Variants in OSBPL6 observed in about 807,000 individuals in gnomAD.
OSBPL6 encodes oxysterol binding protein like 6.
OSBPL6 carries 49 observed loss-of-function variants against 125.8 expected under a neutral mutation model. The observed-to-expected ratio is 0.39, with a 90% CI of 0.31 to 0.49. OSBPL6 has a LOEUF of 0.49. OSBPL6 is among the 20% of genes least tolerant of loss of function. OSBPL6 has a pLI of 0.88. For synonymous variants in OSBPL6, 394 were observed against 391.8 expected (o/e 1.01, Z -0.07); for missense variants, 986 against 1,135.4 (o/e 0.87, Z 1.89).
intron 1 of OSBPL6, among the ~76,000 whole-genome samples, chr2:178,195,730 AG>A (rs1274306794): frequency 6.6e-6 from 1 of 152,202 alleles, no homozygotes; most frequent in Non-Finnish European, 1.5e-5. Flanking sequence ...AAATCCTGTA[AG>A]GTTTTTTCTA....
intron 1 of OSBPL6, among the ~76,000 whole-genome samples, chr2:178,279,272 C>T (rs1241359206): frequency 6.6e-6 from 1 of 152,032 alleles, no homozygotes; most frequent in African/African-American, 2.4e-5. Context: ...GAGGAATGTG[C>T]GGGGAATGCA....
intron 1 of OSBPL6, among the ~76,000 whole-genome samples, chr2:178,268,085 CTT>C (rs36020212): frequency 7.0e-5 from 10 of 142,260 alleles, no homozygotes; most frequent in African/African-American, 1.0e-4. Flanking sequence ...TTTAAATTTT[CTT>C]TTTTTTTTTT....
chr2:178,376,003 TAAG>T (rs1693843478), intron 15 of OSBPL6, among the ~76,000 whole-genome samples: 1 of 151,904 alleles, frequency 6.6e-6, no homozygotes, highest in Non-Finnish European at 1.5e-5. Context: ...GAGAGCGGGA[TAAG>T]AAGGTGGAGG....
At chr2:178,241,111 C>G (rs925855473) in intron 1 of OSBPL6, among the ~76,000 whole-genome samples, 1 of 151,888 alleles carries the variant, frequency 6.6e-6, no homozygotes, top group Non-Finnish European at 1.5e-5. Context: ...ACTAATGCCA[C>G]TCTGCATGTA....
rs186808150 is a variant in OSBPL6 at position 178,366,383 on chromosome 2, A to C, written c.1287+4568A>C. On this transcript the variant is annotated intron_variant, in intron 13 of 24. Transcript: ENST00000190611. ...CCAGAAATTGTGCACAGCTTGTGTT[A>C]AACGCAGTGAGAGTTGGGCTCATAT... Among the ~76,000 whole-genome samples, 4 of 152,344 alleles carry C rather than the reference A, an allele frequency of 2.6e-5. No homozygotes were observed. The East Asian group carries it at 7.7e-4, about 29-fold the overall frequency.
intron 1 of OSBPL6, among the ~76,000 whole-genome samples, chr2:178,235,393 C>CTTTTTTTT (rs1207796881): frequency 1.5e-5 from 1 of 64,536 alleles, no homozygotes. Context: ...TTTTTCTTTT[C>CTTTTTTTT]TTTTCTTTTT....
Position 178,332,939 on chromosome 2 carries a change from T to C in OSBPL6, c.555T>C (p.Asn185=). 1 of 1,614,190 alleles carries C rather than the reference T, an allele frequency of 6.2e-7. No homozygotes were observed. The highest frequency in any genetic ancestry group is 8.5e-7 in the Non-Finnish European group (1 of 1,180,004). The part of the protein sequence containing the change: ...KLRHHRLYRQ[N]EIVRSPRDAS... ...GACATCATCGGTTGTATCGTCAGAA[T>C]GAAATTGTGAGATCACCAAGAGATG... The change falls in exon 8 of 25, where the codon AAT becomes AAC. Residue 185 remains asparagine (N), a synonymous_variant. Coordinates refer to ENST00000190611, the MANE Select transcript of OSBPL6 (RefSeq NM_032523.4).
At chr2:178,270,337 G>T (rs1165827512) in intron 1 of OSBPL6, among the ~76,000 whole-genome samples, 1 of 152,184 alleles carries the variant, frequency 6.6e-6, no homozygotes, top group East Asian at 1.9e-4. Context: ...TTTGGGCAAA[G>T]CTGCTTTAAT....
rs1184909786 is a variant in OSBPL6, at chr2:178,328,259, G to T, written c.199G>T (p.Ala67Ser). Residue 67 changes from alanine to serine, a missense_variant, in exon 5 of 25, where the codon GCT becomes TCT. Ala to Ser is a moderately conservative substitution (Grantham distance 99). Around this residue, in one of 3 missense-constraint regions of OSBPL6, gnomAD observed 130 missense variants for 106.4 expected, o/e 1.22. Coordinates refer to ENST00000190611, the MANE Select transcript of OSBPL6 (RefSeq NM_032523.4). ...EPEPVPLSKE[A>S]DSWEIIEGLK... ...TGTTTTTCTTCTTTTCTCTCAGGAA[G>T]CTGACAGCTGGGAAATTATAGAAGG... 6.2e-7 allele frequency: 1 copy of T among 1,613,524 alleles called. No individual in the cohort carries two copies. The highest frequency in any genetic ancestry group is 1.7e-5 in the Admixed American group (1 of 59,964).
intron 1 of OSBPL6, among the ~76,000 whole-genome samples, chr2:178,267,947 GGCTT>G (rs1157699450): frequency 7.2e-5 from 11 of 152,198 alleles, no homozygotes; most frequent in African/African-American, 2.2e-4. Flanking sequence ...ATGCGTGGTG[GGCTT>G]GCAGTGCTTA....
intron 1 of OSBPL6, among the ~76,000 whole-genome samples, chr2:178,229,044 G>A (rs779128115): frequency 9.9e-5 from 15 of 152,156 alleles, no homozygotes; most frequent in East Asian, 1.9e-4. Context: ...TGAGGGCCTC[G>A]TGCTGCTTCA....
intron 12 of OSBPL6, among the ~76,000 whole-genome samples, chr2:178,351,778 G>A (rs1367705386): frequency 6.6e-6 from 1 of 152,130 alleles, no homozygotes; most frequent in Non-Finnish European, 1.5e-5. Context: ...TACAAGTGGG[G>A]GCTAAATGAT....
intron 12 of OSBPL6, among the ~76,000 whole-genome samples, chr2:178,349,980 T>C (rs1359532249): frequency 6.6e-6 from 1 of 152,204 alleles, no homozygotes; most frequent in Non-Finnish European, 1.5e-5. Context: ...CCATGGCAGC[T>C]TAGGGTTCCA....
Position 178,336,421 on chromosome 2 carries a change from A to G in OSBPL6, c.778A>G (p.Arg260Gly). The change falls in exon 9 of 25, where the codon AGG becomes GGG. Residue 260 changes from arginine to glycine, a missense_variant. Arg to Gly is a moderately radical substitution (Grantham distance 125). Coordinates refer to ENST00000190611, the MANE Select transcript of OSBPL6 (RefSeq NM_032523.4). ...AWLQDSEEMDRCAEDLAHCQS... is the reference protein window; with the variant it reads ...AWLQDSEEMDGCAEDLAHCQS... ...GTTACAGGACTCGGAAGAGATGGACAGGTGTGCAGAAGGTTAGTTCTTGCC... is the reference window on the plus strand; with the variant it reads ...GTTACAGGACTCGGAAGAGATGGACGGGTGTGCAGAAGGTTAGTTCTTGCC... The G allele has an allele frequency of 6.2e-7, 1 of 1,614,026 alleles. No homozygotes were observed. Among genetic ancestry groups the G allele is most frequent in the South Asian group, 1.1e-5 (1 of 91,064 alleles).
At chr2:178,266,768 C>T (rs1170435506) in intron 1 of OSBPL6, among the ~76,000 whole-genome samples, 7 of 152,234 alleles carry the variant, frequency 4.6e-5, no homozygotes, top group African/African-American at 1.7e-4. Context: ...AAAGTTCTTT[C>T]AACTTGCCCC....
chr2:178,209,775 A>C (rs1349613775), intron 1 of OSBPL6, among the ~76,000 whole-genome samples: 1 of 151,930 alleles, frequency 6.6e-6, no homozygotes, highest in Non-Finnish European at 1.5e-5. Flanking sequence ...CAGTAGCAGC[A>C]TCCTGAGGTT....
chr2:178,370,643 C>CT (rs1425669713), intron 13 of OSBPL6, among the ~76,000 whole-genome samples: 3 of 152,128 alleles, frequency 2.0e-5, no homozygotes, highest in East Asian at 1.9e-4. Flanking sequence ...ATGTTATCAC[C>CT]TTTTTTCCCA....
intron 1 of OSBPL6, among the ~76,000 whole-genome samples, chr2:178,221,481 C>T (rs1466087668): frequency 6.6e-6 from 1 of 152,154 alleles, no homozygotes; most frequent in African/African-American, 2.4e-5. Flanking sequence ...AAGCTATGAG[C>T]ATGGTTTATT....
intron 1 of OSBPL6, among the ~76,000 whole-genome samples, chr2:178,254,475 C>T (rs2091814718): frequency 6.6e-6 from 1 of 151,810 alleles, no homozygotes; most frequent in Non-Finnish European, 1.5e-5. Flanking sequence ...CAACAGAAAG[C>T]AGACTAAGAC....
Sources: gnomAD v4.1 joint callset for allele counts (sites outside exome capture counted in the v4.1 genomes callset) on GRCh38, gnomAD v4.1.1 for gene constraint, gnomAD v4.1.1 regional missense constraint, MANE v1.5 for transcripts, NCBI Gene and HGNC (gene_info 2026-07-23, HGNC 2026-07-21) for gene names.